Variants in CARMIL1 observed in about 807,000 individuals in gnomAD.
CARMIL1 encodes capping protein regulator and myosin 1 linker 1.
Under a neutral mutation model 177.1 loss-of-function variants are expected in CARMIL1, and 90 were observed. The ratio of observed to expected loss-of-function variants is 0.51; its 90% CI spans 0.43 to 0.61. The LOEUF (loss-of-function observed/expected upper bound fraction) is 0.61. CARMIL1 is among the 20% of genes least tolerant of loss of function. The probability of loss-of-function intolerance (pLI) is 0.00; values close to 1 mark genes in which losing one functional copy is unlikely to be tolerated. For missense variants in CARMIL1, 1,380 were observed against 1,667.0 expected, an observed-to-expected ratio of 0.83 and a Z score of 3.00; for synonymous variants, 577 against 606.2, an observed-to-expected ratio of 0.95 and a Z score of 0.71.
chr6:25,342,419 T>C (rs1383362434), intron 2 of CARMIL1, among the ~76,000 whole-genome samples: 1 of 152,154 alleles, frequency 6.6e-6, no homozygotes, highest in East Asian at 1.9e-4. Flanking sequence ...TGTGGACTTG[T>C]GGACTGGGCC....
intron 23 of CARMIL1, among the ~76,000 whole-genome samples, chr6:25,524,492 C>T (rs1806894466): frequency 6.6e-6 from 1 of 152,188 alleles, no homozygotes; most frequent in Admixed American, 6.5e-5. Context: ...GAGCCCAGCT[C>T]TTAGCCAGTT....
chr6:25,464,702 G>A (rs1003418245), intron 8 of CARMIL1, among the ~76,000 whole-genome samples: 11 of 152,156 alleles, frequency 7.2e-5, no homozygotes, highest in Non-Finnish European at 1.6e-4. Context: ...GATGCTTAAA[G>A]CAACAAACTA....
At chr6:25,387,878 G>T (rs1237395374) in intron 2 of CARMIL1, among the ~76,000 whole-genome samples, 1 of 152,154 alleles carries the variant, frequency 6.6e-6, no homozygotes, top group East Asian at 1.9e-4. Flanking sequence ...CCCCTTTTCC[G>T]AGTGGGTAAT....
At chr6:25,279,939 G>A in intron 1 of CARMIL1, 104 bp downstream of exon 1, 1 of 1,326,866 alleles carries the variant, frequency 7.5e-7, no homozygotes, top group Non-Finnish European at 1.1e-6. Flanking sequence ...AAGTCTTGGC[G>A]CCCCTTAGGG....
intron 24 of CARMIL1, among the ~76,000 whole-genome samples, chr6:25,532,853 T>C (rs987621372): frequency 6.6e-6 from 1 of 152,196 alleles, no homozygotes; most frequent in Non-Finnish European, 1.5e-5. Flanking sequence ...TTGGAGCCCA[T>C]AGGATCTCTG....
chr6:25,614,252 A>G (rs1373194539), intron 36 of CARMIL1, among the ~76,000 whole-genome samples: 1 of 152,204 alleles, frequency 6.6e-6, no homozygotes, highest in Non-Finnish European at 1.5e-5. Context: ...GCTAGGTGGC[A>G]GGGTGGGTTA....
intron 2 of CARMIL1, among the ~76,000 whole-genome samples, chr6:25,399,620 A>G (rs1314461889): frequency 6.6e-6 from 1 of 152,192 alleles, no homozygotes; most frequent in Non-Finnish European, 1.5e-5. Flanking sequence ...TTATTTAACT[A>G]AAAAATGATG....
intron 2 of CARMIL1, among the ~76,000 whole-genome samples, chr6:25,388,594 G>C (rs1172530416): frequency 2.0e-5 from 3 of 152,142 alleles, no homozygotes; most frequent in Non-Finnish European, 4.4e-5. Context: ...TCAAACTCCT[G>C]ACCTTGTGAT....
intron 8 of CARMIL1, among the ~76,000 whole-genome samples, chr6:25,453,438 A>G (rs1253631136): frequency 2.0e-5 from 3 of 152,232 alleles, no homozygotes; most frequent in Non-Finnish European, 4.4e-5. Context: ...CAAACACTTT[A>G]CATTGAGACA....
At chr6:25,451,528 T>C (rs1798925922) in intron 8 of CARMIL1, among the ~76,000 whole-genome samples, 1 of 152,190 alleles carries the variant, frequency 6.6e-6, no homozygotes, top group South Asian at 2.1e-4. Flanking sequence ...TTTGAGAAAC[T>C]TTTAGGTTTA....
chr6:25,471,280 A>G (rs1405725889), intron 10 of CARMIL1, 23 bp downstream of exon 10: 4 of 1,547,716 alleles, frequency 2.6e-6, no homozygotes, highest in Admixed American at 3.5e-5. Flanking sequence ...CTGAATATAT[A>G]AATATGTTGC....
chr6:25,589,937 A>G (rs940452236), intron 31 of CARMIL1, among the ~76,000 whole-genome samples: 3 of 152,186 alleles, frequency 2.0e-5, no homozygotes, highest in African/African-American at 2.4e-5. Flanking sequence ...TATTTCAGAC[A>G]GAGAAAAAGG....
rs35932044 is a variant in CARMIL1, at chr6:25,298,755, CT to C, written c.138+13862del. Reference sequence around the variant, plus strand: ...TCCTCTTGGATTTCAGTTATGATTGCTTTTTTTTTTTTTTTTGAGACGGAGT... The same window carrying C: ...TCCTCTTGGATTTCAGTTATGATTGCTTTTTTTTTTTTTTTGAGACGGAGT... On this transcript the variant is annotated intron_variant, in intron 2 of 36. Coordinates refer to ENST00000329474, the MANE Select transcript of CARMIL1 (RefSeq NM_017640.6). Among the ~76,000 whole-genome samples, 921 of 133,352 alleles carry C rather than the reference CT, an allele frequency of 6.9e-3. 5 individuals are homozygous for C. The highest frequency in any genetic ancestry group is 0.018 in the African/African-American group (653 of 35,906). The allele number at this position is 133,352 out of a possible 152,430, so 87.5% of individuals were successfully genotyped here.
chr6:25,503,720 C>T lies in CARMIL1; in HGVS notation c.1395+3485C>T, dbSNP rs146755751. On this transcript the variant is annotated intron_variant, in intron 17 of 36. Coordinates refer to ENST00000329474, the MANE Select transcript of CARMIL1 (RefSeq NM_017640.6). ...AGCAGCTTCAGCCCTTGACTTTCTC[C>T]GATGATCAGATAAATCTAGTCTTAA... Among the ~76,000 whole-genome samples, 80 of 152,274 alleles carry T rather than the reference C, an allele frequency of 5.3e-4. 2 individuals are homozygous for T. Among genetic ancestry groups the T allele is most frequent in the East Asian group, 2.5e-3 (13 of 5,190 alleles).
At chr6:25,605,008 T>TTG (rs1815809652) in intron 34 of CARMIL1, 115 bp downstream of exon 34, 1 of 767,192 alleles carries the variant, frequency 1.3e-6, no homozygotes, top group African/African-American at 1.7e-5. Flanking sequence ...GATCTCTTTG[T>TTG]TGTGTGTTCT....
intron 5 of CARMIL1, among the ~76,000 whole-genome samples, chr6:25,441,676 A>G (rs1420249072): frequency 6.6e-6 from 1 of 152,176 alleles, no homozygotes; most frequent in Non-Finnish European, 1.5e-5. Context: ...TGTTTTGTTA[A>G]CATTCCAATC....
intron 31 of CARMIL1, among the ~76,000 whole-genome samples, chr6:25,591,480 C>T (rs1212489819): frequency 1.3e-5 from 2 of 152,202 alleles, no homozygotes; most frequent in Non-Finnish European, 2.9e-5. Flanking sequence ...CCCTCCTTTT[C>T]CAACAGCTGT....
intron 2 of CARMIL1, among the ~76,000 whole-genome samples, chr6:25,349,204 C>T (rs1016467219): frequency 2.0e-5 from 3 of 152,106 alleles, no homozygotes; most frequent in Non-Finnish European, 4.4e-5. Flanking sequence ...CATGCACACA[C>T]GCATTCTCTC....
intron 2 of CARMIL1, among the ~76,000 whole-genome samples, chr6:25,314,925 T>G (rs9366616): frequency 0.21 from 31,611 of 151,940 alleles, 4,227 homozygotes; most frequent in East Asian, 0.4. Flanking sequence ...GACTTAGGGG[T>G]TATTATAGTA....
Sources: gnomAD v4.1 joint callset for allele counts (sites outside exome capture counted in the v4.1 genomes callset) on GRCh38, gnomAD v4.1.1 for gene constraint, MANE v1.5 for transcripts, NCBI Gene and HGNC (gene_info 2026-07-23, HGNC 2026-07-21) for gene names.